LINGO2: variants seen among roughly 807,000 people sequenced by gnomAD.
The protein encoded by LINGO2 is leucine-rich repeat and immunoglobulin-like domain-containing nogo receptor-interacting protein 2.
LINGO2 carries 14 observed loss-of-function variants against 30.6 expected under a neutral mutation model. That is an observed-to-expected ratio of 0.46 (90% CI 0.30 to 0.72). The LOEUF (loss-of-function observed/expected upper bound fraction) is 0.72. LINGO2 is among the 30% of genes least tolerant of loss of function. The pLI, the probability that LINGO2 is intolerant of heterozygous loss-of-function variation, is 0.07. For synonymous variants in LINGO2, 317 were observed against 288.5 expected (o/e 1.10, Z -1.00); for missense variants, 729 against 751.7 (o/e 0.97, Z 0.35).
At chr9:27,988,111 T>C (rs1821214030) in intron 5 of LINGO2, among the ~76,000 whole-genome samples, 1 of 152,052 alleles carries the variant, frequency 6.6e-6, no homozygotes, top group South Asian at 2.1e-4. Flanking sequence ...TGTTTGTTTT[T>C]TTGTCCTTGT....
chr9:28,226,184 T>C (rs1273340469), intron 4 of LINGO2, among the ~76,000 whole-genome samples: 2 of 152,194 alleles, frequency 1.3e-5, no homozygotes, highest in Non-Finnish European at 1.5e-5. Context: ...AATAATTTCA[T>C]CAACCTGCAA....
chr9:28,666,397 A>C (rs2136028552), intron 1 of LINGO2, among the ~76,000 whole-genome samples: 1 of 152,304 alleles, frequency 6.6e-6, no homozygotes, highest in East Asian at 1.9e-4. Context: ...CATGAAAAGA[A>C]GTCTGATTAA....
the LINGO2 span, among the ~76,000 whole-genome samples, chr9:28,874,663 C>T: frequency 6.6e-6 from 1 of 152,128 alleles, no homozygotes; most frequent in South Asian, 2.1e-4. Context: ...CCTTCAGGGT[C>T]CACGCTTTTT....
chr9:28,830,528 G>T, the LINGO2 span, among the ~76,000 whole-genome samples: 1 of 152,018 alleles, frequency 6.6e-6, no homozygotes. Context: ...GTACAGGGTG[G>T]ACAGATATGA....
At chr9:28,598,889 G>A (rs1379358836) in intron 1 of LINGO2, 4 of 152,130 alleles carry the variant, frequency 2.6e-5, no homozygotes, top group Non-Finnish European at 5.9e-5. Context: ...ATACTAAAAG[G>A]ATCAAGAGCA....
At chr9:28,793,659 T>A in the LINGO2 span, among the ~76,000 whole-genome samples, 4,908 of 152,226 alleles carry the variant, frequency 0.032, 275 homozygotes, top group African/African-American at 0.11. Context: ...GCCAAAGTAG[T>A]AGAGAGAAGA....
intron 3 of LINGO2, among the ~76,000 whole-genome samples, chr9:28,353,850 G>T (rs1439411184): frequency 2.0e-5 from 3 of 152,134 alleles, no homozygotes; most frequent in Non-Finnish European, 2.9e-5. Flanking sequence ...CATGTCCTTT[G>T]TAGGGACATG....
intron 4 of LINGO2, among the ~76,000 whole-genome samples, chr9:28,079,919 A>T (rs1424547926): frequency 1.3e-5 from 2 of 152,244 alleles, no homozygotes; most frequent in Non-Finnish European, 2.9e-5. Context: ...CTCAGTAAAT[A>T]ATATGAGCCT....
intron 3 of LINGO2, among the ~76,000 whole-genome samples, chr9:28,343,604 C>T (rs1819448869): frequency 6.6e-6 from 1 of 152,112 alleles, no homozygotes; most frequent in Non-Finnish European, 1.5e-5. Context: ...TTACTGATTA[C>T]AATGACTCAA....
At chr9:28,546,458 C>A (rs572536841) in intron 1 of LINGO2, among the ~76,000 whole-genome samples, 1 of 151,972 alleles carries the variant, frequency 6.6e-6, no homozygotes, top group Non-Finnish European at 1.5e-5. Flanking sequence ...CTCAGCAAGG[C>A]TTGTTTGTTC....
At chr9:27,951,331 G>A (rs138629557) in intron 5 of LINGO2, among the ~76,000 whole-genome samples, 2 of 152,154 alleles carry the variant, frequency 1.3e-5, no homozygotes, top group African/African-American at 4.8e-5. Context: ...ATTTATGAAG[G>A]GATTTTCTTA....
At chr9:28,140,710 A>G (rs1827647856) in intron 4 of LINGO2, among the ~76,000 whole-genome samples, 1 of 152,156 alleles carries the variant, frequency 6.6e-6, no homozygotes. Flanking sequence ...GGCATTTTGT[A>G]CACTCATTTT....
At chr9:28,801,412 T>C in the LINGO2 span, among the ~76,000 whole-genome samples, 2 of 152,248 alleles carry the variant, frequency 1.3e-5, no homozygotes, top group Admixed American at 1.3e-4. Flanking sequence ...TTTTTCAAGA[T>C]GGCTCTAATT....
intron 4 of LINGO2, among the ~76,000 whole-genome samples, chr9:28,196,710 A>T (rs1228779692): frequency 6.6e-6 from 1 of 151,982 alleles, no homozygotes; most frequent in Non-Finnish European, 1.5e-5. Flanking sequence ...TAATAAAAAT[A>T]CCCAAAGATT....
At chr9:28,619,322 A>T (rs905451332) in intron 1 of LINGO2, among the ~76,000 whole-genome samples, 1 of 152,160 alleles carries the variant, frequency 6.6e-6, no homozygotes, top group African/African-American at 2.4e-5. Flanking sequence ...CCTGAAAATT[A>T]TAAACTAGAA....
chr9:29,072,672 C>T, the LINGO2 span, among the ~76,000 whole-genome samples: 1 of 147,056 alleles, frequency 6.8e-6, no homozygotes, highest in Non-Finnish European at 1.5e-5. Flanking sequence ...GCCAGGAAGC[C>T]CTTCTTCCCC....
At chr9:28,645,732 C>T (rs906090740) in intron 1 of LINGO2, among the ~76,000 whole-genome samples, 37 of 152,036 alleles carry the variant, frequency 2.4e-4, no homozygotes, top group Non-Finnish European at 5.3e-4. Context: ...ACCTTGGTAG[C>T]CCTATCTACT....
At chr9:28,973,499 T>A in the LINGO2 span, among the ~76,000 whole-genome samples, 5 of 152,166 alleles carry the variant, frequency 3.3e-5, no homozygotes, top group African/African-American at 1.2e-4. Context: ...ACTGTTCTCA[T>A]AGCAGCAAAT....
At chr9:28,806,240 G>A in the LINGO2 span, among the ~76,000 whole-genome samples, 1 of 152,124 alleles carries the variant, frequency 6.6e-6, no homozygotes, top group Non-Finnish European at 1.5e-5. Flanking sequence ...AGAAATTTAT[G>A]CCTGATTAAT....
Sources: allele counts gnomAD v4.1 joint callset (sites outside exome capture counted in the v4.1 genomes callset), GRCh38; gene constraint gnomAD v4.1.1; transcripts MANE v1.5; gene names NCBI Gene and HGNC (gene_info 2026-07-23, HGNC 2026-07-21).